Variants in RAD51C observed in about 807,000 individuals in gnomAD.
RAD51C encodes DNA repair protein RAD51 homolog 3.
In RAD51C, 42 loss-of-function variants were observed where a neutral mutation model predicts 45.0. The observed-to-expected ratio is 0.93, with a 90% confidence interval of 0.73 to 1.21. The LOEUF is 1.21. Among genes scored for constraint, RAD51C ranks in the 50% most tolerant of loss-of-function variants. The pLI is 0.00. For missense variants in RAD51C, 474 were observed against 452.2 expected (o/e 1.05, Z -0.44); for synonymous variants, 172 against 159.8 (o/e 1.08, Z -0.58).
At position 58,714,549 on chromosome 17, in the gene RAD51C, C is replaced by G. The variant is rs184518403; in HGVS notation, c.837+4559C>G. Among the ~76,000 whole-genome samples, 869 of 152,298 alleles carry G rather than the reference C, an allele frequency of 5.7e-3. 5 individuals carry two copies. The highest frequency in any genetic ancestry group is 9.2e-3 in the African/African-American group (381 of 41,566). On this transcript the variant is annotated intron_variant, in intron 5 of 8. Coordinates refer to ENST00000337432, the MANE Select transcript of RAD51C (RefSeq NM_058216.3). ...TCTTGGCTCACTGCAACCTGTGCCTCCTGGGTTCAAGAGATTCTCCTGCCT... is the reference window on the plus strand; with the variant it reads ...TCTTGGCTCACTGCAACCTGTGCCTGCTGGGTTCAAGAGATTCTCCTGCCT...
At chr17:58,703,375 G>T (rs926760865) in intron 4 of RAD51C, 46 bp downstream of exon 4, 1 of 1,580,654 alleles carries the variant, frequency 6.3e-7, no homozygotes, top group Non-Finnish European at 8.7e-7. Flanking sequence ...TATTTTTTGA[G>T]GTGTTTGATA....
intron 5 of RAD51C, among the ~76,000 whole-genome samples, chr17:58,711,134 A>G (rs1392053029): frequency 1.3e-5 from 2 of 152,144 alleles, no homozygotes; most frequent in East Asian, 3.8e-4. Flanking sequence ...CCTTTTGTTA[A>G]TATCAGTGAA....
At chr17:58,707,534 A>T (rs768182411) in intron 4 of RAD51C, among the ~76,000 whole-genome samples, 28 of 151,714 alleles carry the variant, frequency 1.8e-4, no homozygotes, top group Non-Finnish European at 3.1e-4. Flanking sequence ...AAAAAAAAAA[A>T]GCCTCACCAG....
chr17:58,717,680 G>C (rs2048787820), intron 5 of RAD51C, among the ~76,000 whole-genome samples: 1 of 152,034 alleles, frequency 6.6e-6, no homozygotes, highest in South Asian at 2.1e-4. Context: ...AGGTTGCAGT[G>C]AGCCAAGATC....
At chr17:58,699,238 C>T (rs1285754472) in intron 3 of RAD51C, among the ~76,000 whole-genome samples, 1 of 151,980 alleles carries the variant, frequency 6.6e-6, no homozygotes, top group Non-Finnish European at 1.5e-5. Flanking sequence ...GAACTCCTGA[C>T]CTTGTGATCT....
chr17:58,716,146 A>G (rs1311578122), intron 5 of RAD51C, among the ~76,000 whole-genome samples: 1 of 151,640 alleles, frequency 6.6e-6, no homozygotes, highest in African/African-American at 2.4e-5. Flanking sequence ...GAAGCTTGGC[A>G]TAATCACATA....
At chr17:58,727,780 A>T (rs1239063664) in intron 7 of RAD51C, among the ~76,000 whole-genome samples, 1 of 152,072 alleles carries the variant, frequency 6.6e-6, no homozygotes, top group Non-Finnish European at 1.5e-5. Context: ...ATAAAAAATT[A>T]GCCAGGTGTG....
Position 58,709,965 on chromosome 17 carries a change from G to T in RAD51C, c.812G>T (p.Ser271Ile), listed in dbSNP as rs1060502596. ...AATGGCCTAGCCCAGCAAATGATCA[G>T]CCTTGCAAATAATCACAGATTAGCT... is the stretch of plus-strand genomic sequence containing the variant. ...LLNGLAQQMI[S>I]LANNHRLAVI... Residue 271 changes from serine to isoleucine, a missense_variant, in exon 5 of 9, where the codon AGC (serine) becomes ATC (isoleucine). Coordinates refer to ENST00000337432, the MANE Select transcript of RAD51C (RefSeq NM_058216.3). 1.2e-6 allele frequency: 2 copies of T among 1,613,238 alleles called. No individual in the cohort carries two copies. Among genetic ancestry groups the T allele is most frequent in the East Asian group, 4.5e-5 (2 of 44,856 alleles).
chr17:58,732,199 G>A (rs1192453271), intron 7 of RAD51C: 4 of 295,158 alleles, frequency 1.4e-5, no homozygotes, highest in Admixed American at 4.6e-5. Context: ...TTTCTTCCAC[G>A]TTTAGTTTTT....
chr17:58,723,983 G>GA, intron 6 of RAD51C, 57 bp from the exon 7 acceptor site: 1 of 1,436,874 alleles, frequency 7.0e-7, no homozygotes, highest in Non-Finnish European at 9.8e-7. Flanking sequence ...GGCGTTCTGA[G>GA]AAATGTATAA....
intron 1 of RAD51C, chr17:58,693,479 T>G (rs1400843519): frequency 2.0e-5 from 3 of 152,556 alleles, no homozygotes; most frequent in Non-Finnish European, 2.9e-5. Flanking sequence ...TGGAACAGAA[T>G]TTTAAGTTAC....
intron 7 of RAD51C, among the ~76,000 whole-genome samples, chr17:58,726,383 A>G (rs1420798908): frequency 6.7e-6 from 1 of 150,072 alleles, no homozygotes; most frequent in African/African-American, 2.5e-5. Context: ...GTGTACATAT[A>G]TACGTGTATG....
intron 7 of RAD51C, among the ~76,000 whole-genome samples, chr17:58,728,981 C>T (rs898378758): frequency 2.6e-5 from 4 of 152,146 alleles, no homozygotes; most frequent in African/African-American, 9.7e-5. Flanking sequence ...AGTAATAAAT[C>T]AACACCCCCA....
intron 4 of RAD51C, among the ~76,000 whole-genome samples, chr17:58,708,698 CT>C (rs1439706444): frequency 7.2e-6 from 1 of 138,218 alleles, no homozygotes; most frequent in Non-Finnish European, 1.7e-5. Flanking sequence ...TTATTTTTTG[CT>C]TTGGGGGGGG....
rs367846829 is a variant in RAD51C at position 58,724,091 on chromosome 17, G to A, written c.956G>A (p.Arg319Gln). The A allele has an allele frequency of 1.1e-5, 18 of 1,611,526 alleles. No individual in the cohort carries two copies. Among genetic ancestry groups the A allele is most frequent in the East Asian group, 2.2e-5 (1 of 44,852 alleles). ...ATACGGCTAATCTTTCATTGGGACC[G>A]AAAGCAAAGGTCAGTACAGAAACAA... The part of the protein sequence containing the change: ...ATIRLIFHWD[R>Q]KQRLATLYKS... The change falls in exon 7 of 9, where the codon CGA (arginine) becomes CAA (glutamine). Residue 319 changes from arginine (R) to glutamine (Q), a missense_variant. Transcript: ENST00000337432.
intron 5 of RAD51C, among the ~76,000 whole-genome samples, chr17:58,716,890 TC>T (rs1270779480): frequency 1.3e-5 from 2 of 151,700 alleles, no homozygotes; most frequent in East Asian, 3.9e-4. Flanking sequence ...TGCCTCTGCC[TC>T]CTGGGTTCAC....
At chr17:58,732,294 A>G in intron 7 of RAD51C, 190 bp from the exon 8 acceptor site, 1 of 488,436 alleles carries the variant, frequency 2.0e-6, no homozygotes, top group Non-Finnish European at 3.6e-6. Context: ...TTTCATATAA[A>G]CTCTGTTATA....
intron 7 of RAD51C, chr17:58,732,272 G>T (rs1295525244): frequency 1.6e-5 from 7 of 451,286 alleles, no homozygotes; most frequent in African/African-American, 3.9e-5. Flanking sequence ...GGACTTTTAG[G>T]TTGCTTTAAA....
intron 6 of RAD51C, among the ~76,000 whole-genome samples, chr17:58,723,221 A>C (rs1387879031): frequency 6.6e-6 from 1 of 151,992 alleles, no homozygotes; most frequent in Non-Finnish European, 1.5e-5. Flanking sequence ...CTCACAAATT[A>C]TATCCACCTT....
Sources: allele counts gnomAD v4.1 joint callset (sites outside exome capture counted in the v4.1 genomes callset), GRCh38; gene constraint gnomAD v4.1.1; transcripts MANE v1.5; gene names NCBI Gene and HGNC (gene_info 2026-07-23, HGNC 2026-07-21).